AKR1B10: variants seen among roughly 807,000 people sequenced by gnomAD.
AKR1B10 encodes ARP.
AKR1B10 carries 39 observed loss-of-function variants against 38.9 expected under a neutral mutation model. The ratio of observed to expected loss-of-function variants is 1.00; its 90% confidence interval spans 0.78 to 1.31. The LOEUF (loss-of-function observed/expected upper bound fraction) is 1.31. AKR1B10 is among the 50% of genes most tolerant of loss of function. The pLI, the probability that AKR1B10 is intolerant of heterozygous loss-of-function variation, is 0.00. For synonymous variants in AKR1B10, 148 were observed against 141.2 expected, an observed-to-expected ratio of 1.05 and a Z score of -0.34; for missense variants, 361 against 382.6, an observed-to-expected ratio of 0.94 and a Z score of 0.47.
At position 134,530,572 on chromosome 7, in the gene AKR1B10, C is replaced by T; in HGVS notation, c.67-71C>T. On this transcript the variant is annotated intron_variant, in intron 1 of 9. Transcript: ENST00000359579. The stretch of plus-strand genomic sequence containing the variant: ...TTGAACCTGGGAGTGTGAGGCCAGC[C>T]TGGGCAACACGGCAGGGCCCCATCT... 2.5e-6 allele frequency: 4 copies of T among 1,571,414 alleles called. No individual in the cohort carries two copies. The East Asian group carries it at 9.0e-5, about 35-fold the overall frequency.
chr7:134,529,530 G>T (rs560987624), intron 1 of AKR1B10, among the ~76,000 whole-genome samples: 1 of 152,270 alleles, frequency 6.6e-6, no homozygotes, highest in South Asian at 2.1e-4. Flanking sequence ...TGGAGGTGAA[G>T]AAGGGTGTAG....
chr7:134,527,761 G>T lies in AKR1B10; in HGVS notation c.-151G>T, dbSNP rs1807719646. ...CTCGGGAGGCTGAGGCAGGAGAATT[G>T]CTTGAACCCAGGAGACAGAGGTTGT... On this transcript the variant is annotated 5_prime_UTR_variant, in exon 1 of 10. Transcript: ENST00000359579. The T allele has an allele frequency of 9.7e-6, 11 of 1,130,718 alleles. No homozygotes were observed. Among genetic ancestry groups the T allele is most frequent in the Non-Finnish European group, 1.4e-5 (11 of 812,182 alleles). 70.0% of individuals were successfully genotyped at this position (1,130,718 alleles called of 1,614,324 possible). A position where few individuals can be genotyped will look rare whatever the true frequency, so the allele number is the denominator to read the frequency against.
chr7:134,534,436 T>A (rs576070074), intron 4 of AKR1B10, among the ~76,000 whole-genome samples: 149 of 152,328 alleles, frequency 9.8e-4, no homozygotes, highest in South Asian at 2.9e-3. Context: ...GCATTACATA[T>A]GATAAGATTT....
intron 8 of AKR1B10, 150 bp downstream of exon 8, chr7:134,538,427 C>A: frequency 1.2e-6 from 1 of 802,658 alleles, no homozygotes; most frequent in Non-Finnish European, 2.0e-6. Context: ...GAGCTAGGGT[C>A]AGTAGAGCTG....
chr7:134,530,795 G>C lies in AKR1B10; in HGVS notation c.219G>C (p.Leu73=), dbSNP rs201139064. ...IQEKAVKRED[L]FIVSKLWPTF... is the part of the protein sequence containing the mutation. ...AGAAGGCTGTGAAGCGGGAGGACCT[G>C]TTCATCGTCAGCAAGGTGCAATGGT... The change falls in exon 2 of 10, where the codon CTG becomes CTC. Residue 73 remains leucine (L), a synonymous_variant. Transcript: ENST00000359579. 16 of 1,612,506 alleles carry C rather than the reference G, an allele frequency of 9.9e-6. No homozygotes were observed. In the South Asian group the frequency reaches 1.7e-4, roughly 17 times the overall value.
intron 9 of AKR1B10, 27 bp downstream of exon 9, chr7:134,539,044 C>T (rs372945761): frequency 6.2e-7 from 1 of 1,613,480 alleles, no homozygotes; most frequent in Non-Finnish European, 8.5e-7. Context: ...TAACTAGAAG[C>T]ATTGCCAGGA....
At chr7:134,535,629 C>T (rs143260590) in intron 4 of AKR1B10, 2 of 182,228 alleles carry the variant, frequency 1.1e-5, no homozygotes, top group African/African-American at 5.5e-5. Context: ...CCAGCTTATA[C>T]TCTACCTGAA....
rs1807721721 is a variant in AKR1B10, at chr7:134,527,828, A to G, written c.-84A>G. The G allele has an allele frequency of 1.3e-6, 2 of 1,593,180 alleles. No homozygotes were observed. Among genetic ancestry groups the G allele is most frequent in the African/African-American group, 1.3e-5 (1 of 74,586 alleles). ...ACCACTGCACTCTAGCCTTGGCAAC[A>G]GTGCAAGACTGTCTCAAAAACAGCA... is the stretch of plus-strand genomic sequence containing the variant. On this transcript the variant is annotated 5_prime_UTR_variant, in exon 1 of 10. Coordinates refer to ENST00000359579, the MANE Select transcript of AKR1B10 (RefSeq NM_020299.5).
chr7:134,535,696 CTCTG>C, intron 4 of AKR1B10: 1 of 979,616 alleles, frequency 1.0e-6, no homozygotes, highest in Non-Finnish European at 1.2e-6. Flanking sequence ...CCCTTTCTGA[CTCTG>C]TCTATGCCGC....
At chr7:134,533,145 A>C in intron 4 of AKR1B10, 64 bp downstream of exon 4, 2 of 1,304,032 alleles carry the variant, frequency 1.5e-6, no homozygotes, top group Non-Finnish European at 2.1e-6. Context: ...TGAGATTCGC[A>C]TGGATATGAA....
At chr7:134,531,282 G>A (rs1347543645) in intron 2 of AKR1B10, among the ~76,000 whole-genome samples, 1 of 152,088 alleles carries the variant, frequency 6.6e-6, no homozygotes, top group Non-Finnish European at 1.5e-5. Flanking sequence ...AAAAGGTGAG[G>A]GATACAATGT....
At chr7:134,536,370 T>G (rs1808003237) in intron 4 of AKR1B10, among the ~76,000 whole-genome samples, 1 of 152,224 alleles carries the variant, frequency 6.6e-6, no homozygotes, top group South Asian at 2.1e-4. Flanking sequence ...GTACAGGAAG[T>G]TTAATTTTTT....
chr7:134,538,835 G>A (rs1479724614), intron 8 of AKR1B10, 100 bp from the exon 9 acceptor site: 2 of 1,373,274 alleles, frequency 1.5e-6, no homozygotes, highest in African/African-American at 1.4e-5. Context: ...GCCAGTTTGT[G>A]CTGTGAATGT....
At chr7:134,533,553 C>A (rs1807922521) in intron 4 of AKR1B10, among the ~76,000 whole-genome samples, 1 of 152,166 alleles carries the variant, frequency 6.6e-6, no homozygotes, top group South Asian at 2.1e-4. Context: ...GCCCATTTAA[C>A]CCTAGGAGAC....
intron 2 of AKR1B10, 131 bp downstream of exon 2, chr7:134,530,941 T>A: frequency 7.9e-7 from 1 of 1,258,718 alleles, no homozygotes; most frequent in Non-Finnish European, 1.1e-6. Context: ...ATAACATCCG[T>A]GAATACAACA....
In AKR1B10 at chr7:134,538,969, C is replaced by G. The variant is rs1459825737; in HGVS notation, c.860C>G (p.Ala287Gly). The G allele has an allele frequency of 6.2e-7, 1 of 1,613,920 alleles. No individual in the cohort carries two copies. The highest frequency in any genetic ancestry group is 2.2e-5 in the East Asian group (1 of 44,870). The change falls in exon 9 of 10, where the codon GCA (alanine) becomes GGA (glycine). Residue 287 changes from alanine to glycine, a missense_variant. This residue lies in a region of AKR1B10 where 132 missense variants were observed against 134.6 expected (regional missense o/e 0.98). Coordinates refer to ENST00000359579, the MANE Select transcript of AKR1B10 (RefSeq NM_020299.5). ...FDFKLSDEEM[A>G]TILSFNRNWR... ...TTTAAATTGAGTGATGAGGAGATGG[C>G]AACCATACTCAGCTTCAACAGAAAC...
chr7:134,535,681 C>G (rs1807983544), intron 4 of AKR1B10: 1 of 966,502 alleles, frequency 1.0e-6, no homozygotes, highest in Admixed American at 8.3e-5. Context: ...TCTCTTCTTT[C>G]TCTGCCCTTT....
At position 134,536,637 on chromosome 7, in the gene AKR1B10, C is replaced by T. The variant is rs780886039; in HGVS notation, c.430-13C>T. ...CTCTAGAGCTGCCCATAAGGTATTC[C>T]TTTCTATGATAGGCCATGGAGGAGC... On this transcript the variant is annotated splice_polypyrimidine_tract_variant and intron_variant, in intron 4 of 9. Coordinates refer to ENST00000359579, the MANE Select transcript of AKR1B10 (RefSeq NM_020299.5). 12 of 1,613,464 alleles carry T rather than the reference C, an allele frequency of 7.4e-6. No homozygotes were observed. In the East Asian group the frequency reaches 1.1e-4, roughly 15 times the overall value.
Position 134,530,783 on chromosome 7 carries a change from G to A in AKR1B10, c.207G>A (p.Lys69=). 5.6e-6 allele frequency: 9 copies of A among 1,613,678 alleles called. No individual in the cohort carries two copies. The highest frequency in any genetic ancestry group is 7.6e-6 in the Non-Finnish European group (9 of 1,179,762). ...IQEKIQEKAV[K]REDLFIVSKL... The stretch of plus-strand genomic sequence containing the variant: ...AGAAGATCCAAGAGAAGGCTGTGAA[G>A]CGGGAGGACCTGTTCATCGTCAGCA... Residue 69 remains lysine, a synonymous_variant, in exon 2 of 10, where the codon AAG becomes AAA. Transcript: ENST00000359579.
Sources: gnomAD v4.1 joint callset for allele counts (sites outside exome capture counted in the v4.1 genomes callset) on GRCh38, gnomAD v4.1.1 for gene constraint, gnomAD v4.1.1 regional missense constraint, MANE v1.5 for transcripts, NCBI Gene and HGNC (gene_info 2026-07-23, HGNC 2026-07-21) for gene names.